The following PLCG2 variants were observed in gnomAD, a reference collection of about 807,000 sequenced individuals.
PLCG2 encodes 1-phosphatidylinositol 4,5-bisphosphate phosphodiesterase gamma-2.
PLCG2 carries 69 observed loss-of-function variants against 175.6 expected under a neutral mutation model. The ratio of observed to expected loss-of-function variants is 0.39; its 90% CI spans 0.32 to 0.48. The LOEUF is 0.48. PLCG2 is among the 20% of genes least tolerant of loss of function. The pLI is 0.91. For synonymous variants in PLCG2, 827 were observed against 624.0 expected (o/e 1.33, Z -4.85); for missense variants, 1,798 against 1,650.9 (o/e 1.09, Z -1.54).
chr16:81,926,198 A>G (rs1257351283), intron 22 of PLCG2, among the ~76,000 whole-genome samples: 1 of 152,192 alleles, frequency 6.6e-6, no homozygotes, highest in African/African-American at 2.4e-5. Context: ...ATGGAGAGTT[A>G]GGAGGTGATG....
At chr16:81,768,830 G>C (rs1910211818) in intron 2 of PLCG2, among the ~76,000 whole-genome samples, 1 of 152,118 alleles carries the variant, frequency 6.6e-6, no homozygotes, top group African/African-American at 2.4e-5. Context: ...GCCTCCCAAA[G>C]TACTGGGATT....
intron 25 of PLCG2, among the ~76,000 whole-genome samples, chr16:81,934,197 A>C (rs1910616121): frequency 6.6e-6 from 1 of 152,230 alleles, no homozygotes; most frequent in African/African-American, 2.4e-5. Flanking sequence ...GGCTGTGGCC[A>C]GGACTGAGCT....
Position 81,960,359 on chromosome 16 carries a change from T to C in PLCG2, c.*2361T>C, listed in dbSNP as rs1051829137. The C allele has an allele frequency of 4.5e-5, 10 of 220,276 alleles. No homozygotes were observed. Among genetic ancestry groups the C allele is most frequent in the Admixed American group, 2.9e-4 (5 of 17,314 alleles). 13.6% of individuals were successfully genotyped at this position (220,276 alleles called of 1,614,324 possible). A position where few individuals can be genotyped will look rare whatever the true frequency, so the allele number is the denominator to read the frequency against. On this transcript the variant is annotated 3_prime_UTR_variant, in exon 33 of 33. Coordinates refer to ENST00000564138, the MANE Select transcript of PLCG2 (RefSeq NM_002661.5). ...AGCCAATCCAGGCCAAGAAGACTAG[T>C]AACAGGCACATTCTGAAAGATGGAA... is the stretch of plus-strand genomic sequence containing the variant.
At chr16:81,933,144 G>T (rs957877542) in intron 25 of PLCG2, among the ~76,000 whole-genome samples, 1 of 152,234 alleles carries the variant, frequency 6.6e-6, no homozygotes, top group Non-Finnish European at 1.5e-5. Context: ...GCTGTTGGCG[G>T]CCTTTGGTCT....
intron 15 of PLCG2, 77 bp from the exon 16 acceptor site, chr16:81,907,608 G>A (rs547538259): frequency 2.7e-5 from 26 of 959,180 alleles, no homozygotes; most frequent in South Asian, 2.6e-4. Flanking sequence ...CTGGGGTGAC[G>A]CCCTGCAGGG....
Position 81,949,754 on chromosome 16 carries a change from T to C in PLCG2, c.3570+3491T>C, listed in dbSNP as rs146939837. Among the ~76,000 whole-genome samples the C allele has an allele frequency of 3.7e-3, 568 of 152,254 alleles. 3 individuals are homozygous for C. The highest frequency in any genetic ancestry group is 0.013 in the African/African-American group (537 of 41,528). On this transcript the variant is annotated intron_variant, in intron 31 of 32. Transcript: ENST00000564138. ...TCATGGTAAATATCAAATAAGGATT[T>C]TTGAATTGGAAGAAATATACCATGA...
At chr16:81,887,414 C>T (rs1012133035) in intron 9 of PLCG2, among the ~76,000 whole-genome samples, 6 of 152,150 alleles carry the variant, frequency 3.9e-5, no homozygotes, top group African/African-American at 7.2e-5. Flanking sequence ...CCACCACGCC[C>T]GGCCTAGTAT....
At chr16:81,909,858 C>A (rs931515189) in intron 17 of PLCG2, among the ~76,000 whole-genome samples, 3 of 152,154 alleles carry the variant, frequency 2.0e-5, no homozygotes, top group Non-Finnish European at 4.4e-5. Context: ...TGTTATCATT[C>A]CTGTCAGACC....
intron 14 of PLCG2, among the ~76,000 whole-genome samples, chr16:81,904,557 T>C (rs2143640838): frequency 6.6e-6 from 1 of 152,320 alleles, no homozygotes; most frequent in South Asian, 2.1e-4. Context: ...CTTAGTCTAA[T>C]CCCCATTGGG....
At chr16:81,777,246 T>G (rs191680422), upstream of PLCG2, among the ~76,000 whole-genome samples, 2 of 152,288 alleles carry the variant, frequency 1.3e-5, no homozygotes, top group East Asian at 3.9e-4. Context: ...TAGAGTGGTC[T>G]CCACACATTC....
intron 14 of PLCG2, among the ~76,000 whole-genome samples, chr16:81,904,920 C>T (rs1031361481): frequency 2.6e-5 from 4 of 152,194 alleles, no homozygotes; most frequent in Non-Finnish European, 5.9e-5. Context: ...CAGAGTCTCA[C>T]TCTGTTGCCC....
rs573207716 is a variant in PLCG2 at position 81,859,254 on chromosome 16, C to G, written c.479+91C>G. ...CCAAGGGGGTGGGAGCATGACTTGTCGGGAGCAAGGTCCTCACTGCGTCCA... is the reference window on the plus strand; with the variant it reads ...CCAAGGGGGTGGGAGCATGACTTGTGGGGAGCAAGGTCCTCACTGCGTCCA... On this transcript the variant is annotated intron_variant, in intron 5 of 32. Transcript: ENST00000564138. 35 of 835,262 alleles carry G rather than the reference C, an allele frequency of 4.2e-5. No homozygotes were observed. In the East Asian group the frequency reaches 8.5e-4, roughly 20 times the overall value. 51.7% of individuals were successfully genotyped at this position (835,262 alleles called of 1,614,324 possible).
chr16:81,834,298 C>T (rs1905399520), intron 2 of PLCG2, among the ~76,000 whole-genome samples: 1 of 152,122 alleles, frequency 6.6e-6, no homozygotes, highest in South Asian at 2.1e-4. Context: ...TGTTTCTGCC[C>T]TGAACTTGAC....
intron 29 of PLCG2, among the ~76,000 whole-genome samples, 154 bp from the exon 30 acceptor site, chr16:81,939,738 G>A (rs1910861380): frequency 6.6e-6 from 1 of 152,190 alleles, no homozygotes; most frequent in Non-Finnish European, 1.5e-5. Flanking sequence ...GTGGGGGAGT[G>A]AAGATAATTA....
At chr16:81,907,826 A>C (rs748715622) in intron 16 of PLCG2, 52 bp downstream of exon 16, 157 of 1,365,026 alleles carry the variant, frequency 1.2e-4, no homozygotes, top group East Asian at 4.7e-4. Context: ...AACCCCGAGG[A>C]CCAGCCAGTC....
Position 81,950,992 on chromosome 16 carries a change from C to A in PLCG2, c.3570+4729C>A, listed in dbSNP as rs375830653. ...AAAACATTCTGGTTTATCAAAAAGGCCAAATTTTGTTTTGAGACAGTGTTT... is the reference window on the plus strand; with the variant it reads ...AAAACATTCTGGTTTATCAAAAAGGACAAATTTTGTTTTGAGACAGTGTTT... On this transcript the variant is annotated intron_variant, in intron 31 of 32. Transcript: ENST00000564138. Among the ~76,000 whole-genome samples, 3 of 151,158 alleles carry A rather than the reference C, an allele frequency of 2.0e-5. No homozygotes were observed. The East Asian group carries it at 5.8e-4, about 29-fold the overall frequency.
chr16:81,764,899 G>A (rs1299604443), intron 2 of PLCG2, among the ~76,000 whole-genome samples: 2 of 152,024 alleles, frequency 1.3e-5, no homozygotes, highest in Admixed American at 6.6e-5. Flanking sequence ...AGACCAGCCT[G>A]GACAAAACTG....
At chr16:81,781,026 A>AAAAC (rs1555505837) in intron 1 of PLCG2, among the ~76,000 whole-genome samples, 2 of 116,162 alleles carry the variant, frequency 1.7e-5, no homozygotes, top group East Asian at 6.2e-4. Context: ...ACTCCATCTC[A>AAAAC]AGACAAACAA....
chr16:81,822,625 C>T (rs544566154), intron 2 of PLCG2, among the ~76,000 whole-genome samples: 7 of 151,960 alleles, frequency 4.6e-5, no homozygotes, highest in Non-Finnish European at 7.4e-5. Context: ...GGCATGGTGG[C>T]GTGTACCTGT....
Sources: gnomAD v4.1 joint callset for allele counts (sites outside exome capture counted in the v4.1 genomes callset) on GRCh38, gnomAD v4.1.1 for gene constraint, MANE v1.5 for transcripts, NCBI Gene and HGNC (gene_info 2026-07-23, HGNC 2026-07-21) for gene names.